DOCK1: variants seen among roughly 807,000 people sequenced by gnomAD.
DOCK1 encodes the protein dedicator of cytokinesis 1, also known as dedicator of cytokinesis protein 1.
A neutral mutation model predicts 262.7 loss-of-function variants in DOCK1; 138 were observed. The ratio of observed to expected loss-of-function variants is 0.53; its 90% CI spans 0.46 to 0.61. The LOEUF is 0.61. Among genes scored for constraint, DOCK1 ranks in the 20% least tolerant of loss-of-function variants. The pLI, the probability that DOCK1 is intolerant of heterozygous loss-of-function variation, is 0.00. For synonymous variants in DOCK1, 866 were observed against 867.4 expected (o/e 1.00, Z 0.03); for missense variants, 1,908 against 2,370.7 (o/e 0.80, Z 4.05).
At chr10:127,102,890 A>G (rs973691056) in intron 23 of DOCK1, among the ~76,000 whole-genome samples, 6 of 152,190 alleles carry the variant, frequency 3.9e-5, no homozygotes, top group Non-Finnish European at 8.8e-5. Context: ...TTTTTAATGT[A>G]CAGCTCTGCC....
intron 4 of DOCK1, 75 bp from the exon 5 acceptor site, chr10:126,987,446 T>G: frequency 1.7e-5 from 22 of 1,264,156 alleles, no homozygotes; most frequent in Non-Finnish European, 2.2e-5. Context: ...GGCCTAGATG[T>G]GAAATTTACC....
chr10:127,451,701 G>T lies in DOCK1; in HGVS notation c.*274G>T. The stretch of plus-strand genomic sequence containing the variant: ...TCTGAGTGTGTCTGGCTCTGAGAGA[G>T]TCTGAGTCTTGCCCAAACATTCTTT... On this transcript the variant is annotated 3_prime_UTR_variant, in exon 52 of 52. Transcript: ENST00000623213. 1.8e-6 allele frequency: 1 copy of T among 559,660 alleles called. No homozygotes were observed. The allele number at this position is 559,660 out of a possible 1,614,324, so 34.7% of individuals were successfully genotyped here. A position where few individuals can be genotyped will look rare whatever the true frequency, so the allele number is the denominator to read the frequency against.
intron 27 of DOCK1, among the ~76,000 whole-genome samples, chr10:127,139,989 A>G (rs1564833813): frequency 6.6e-6 from 1 of 152,236 alleles, no homozygotes; most frequent in Non-Finnish European, 1.5e-5. Flanking sequence ...GAGCCTGTCA[A>G]TCGAGTCTGT....
chr10:127,212,209 C>T (rs1025790353), intron 27 of DOCK1, among the ~76,000 whole-genome samples: 1 of 152,010 alleles, frequency 6.6e-6, no homozygotes, highest in Non-Finnish European at 1.5e-5. Flanking sequence ...GGCGGCTTTC[C>T]GTGATGTGTC....
intron 2 of DOCK1, among the ~76,000 whole-genome samples, chr10:126,974,500 T>G (rs2038363458): frequency 6.6e-6 from 1 of 152,148 alleles, no homozygotes; most frequent in Non-Finnish European, 1.5e-5. Flanking sequence ...TTGGAGCAGG[T>G]TGGTTGACTA....
intron 27 of DOCK1, among the ~76,000 whole-genome samples, chr10:127,202,336 A>G (rs1173900882): frequency 6.6e-6 from 1 of 151,178 alleles, no homozygotes; most frequent in Non-Finnish European, 1.5e-5. Flanking sequence ...AAAAAAAAAA[A>G]GAACTAGGAC....
chr10:127,377,977 A>T (rs532217805), intron 35 of DOCK1, among the ~76,000 whole-genome samples: 1 of 152,114 alleles, frequency 6.6e-6, no homozygotes. Flanking sequence ...TCCCCAGGAC[A>T]TCTCCTGCAA....
chr10:127,272,922 C>G (rs1345546857), intron 29 of DOCK1, among the ~76,000 whole-genome samples: 1 of 152,168 alleles, frequency 6.6e-6, no homozygotes, highest in Non-Finnish European at 1.5e-5. Flanking sequence ...AGACCTGCCC[C>G]CATGATTCAA....
intron 1 of DOCK1, among the ~76,000 whole-genome samples, chr10:126,944,252 C>T (rs2035228917): frequency 6.6e-6 from 1 of 151,962 alleles, no homozygotes; most frequent in East Asian, 1.9e-4. Flanking sequence ...GGCTGCTGGT[C>T]TCCGGTGGTC....
intron 31 of DOCK1, among the ~76,000 whole-genome samples, chr10:127,345,722 G>T (rs1334179873): frequency 1.3e-5 from 2 of 152,172 alleles, no homozygotes; most frequent in African/African-American, 4.8e-5. Context: ...GGTGTCTGTC[G>T]CTCGTCCTGG....
intron 1 of DOCK1, among the ~76,000 whole-genome samples, chr10:126,948,583 AG>A (rs1388357231): frequency 1.3e-5 from 2 of 151,930 alleles, no homozygotes; most frequent in Non-Finnish European, 2.9e-5. Flanking sequence ...ACCCTGAAAC[AG>A]GGCCCTCAAA....
At chr10:127,016,923 CCACA>C (rs57658043) in intron 12 of DOCK1, among the ~76,000 whole-genome samples, 13 of 139,542 alleles carry the variant, frequency 9.3e-5, no homozygotes, top group Admixed American at 3.6e-4. Flanking sequence ...ACACCACACA[CCACA>C]CACACACACA....
chr10:127,434,949 G>T (rs2069577394), intron 48 of DOCK1, among the ~76,000 whole-genome samples: 1 of 152,148 alleles, frequency 6.6e-6, no homozygotes, highest in Admixed American at 6.5e-5. Context: ...ACCGCGCCTG[G>T]CCAACGTCCA....
At chr10:127,178,483 A>G (rs561439142) in intron 27 of DOCK1, among the ~76,000 whole-genome samples, 1 of 152,106 alleles carries the variant, frequency 6.6e-6, no homozygotes, top group Admixed American at 6.6e-5. Flanking sequence ...ACAACTAGAA[A>G]TGTCTCCAGC....
At chr10:127,088,897 C>G (rs923485442) in intron 23 of DOCK1, among the ~76,000 whole-genome samples, 4 of 151,936 alleles carry the variant, frequency 2.6e-5, no homozygotes, top group African/African-American at 9.7e-5. Context: ...GTCTAAGGGG[C>G]TTCCTGGTGA....
chr10:126,981,870 G>T (rs773576918), intron 3 of DOCK1, 48 bp from the exon 4 acceptor site: 1 of 1,577,162 alleles, frequency 6.3e-7, no homozygotes, highest in Non-Finnish European at 8.6e-7. Context: ...TTTACATTCA[G>T]CAATCCTATT....
chr10:127,101,554 G>C (rs1426351355), intron 23 of DOCK1, among the ~76,000 whole-genome samples: 13 of 152,178 alleles, frequency 8.5e-5, no homozygotes, highest in Admixed American at 8.5e-4. Context: ...CCCGCCTCAG[G>C]GGGCACAACC....
intron 1 of DOCK1, among the ~76,000 whole-genome samples, chr10:126,930,071 G>A: frequency 6.6e-6 from 1 of 152,172 alleles, no homozygotes; most frequent in South Asian, 2.1e-4. Context: ...CACGTGTGTG[G>A]TCCTTGTGTC....
intron 27 of DOCK1, among the ~76,000 whole-genome samples, chr10:127,167,248 G>T (rs1368695006): frequency 6.6e-6 from 1 of 152,136 alleles, no homozygotes. Context: ...TCAAAGAAAT[G>T]ATAACTTATA....
Sources: gnomAD v4.1 joint callset for allele counts (sites outside exome capture counted in the v4.1 genomes callset) on GRCh38, gnomAD v4.1.1 for gene constraint, MANE v1.5 for transcripts, NCBI Gene and HGNC (gene_info 2026-07-23, HGNC 2026-07-21) for gene names.